The following SYNE1 variants were observed in gnomAD, a reference collection of about 807,000 sequenced individuals.
The protein encoded by SYNE1 is nesprin-1.
SYNE1 carries 616 observed loss-of-function variants against 1,111.0 expected under a neutral mutation model. That is an observed-to-expected ratio of 0.55 (90% CI 0.52 to 0.59). The LOEUF (loss-of-function observed/expected upper bound fraction) is 0.59, where lower values mean the gene tolerates loss of function less well. Ranked by LOEUF, SYNE1 falls within the 20% of genes least tolerant of loss-of-function variation. The pLI is 0.00. For synonymous variants in SYNE1, 3,855 were observed against 3,825.8 expected (o/e 1.01, Z -0.28); for missense variants, 10,006 against 10,417.0 (o/e 0.96, Z 1.72).
intron 88 of SYNE1, 27 bp from the exon 89 acceptor site, chr6:152,310,545 A>G (rs965859949): frequency 1.1e-5 from 18 of 1,613,804 alleles, no homozygotes; most frequent in Non-Finnish European, 1.5e-5. Context: ...AATGTATTGT[A>G]CTTGAAGTTC....
intron 48 of SYNE1, among the ~76,000 whole-genome samples, 198 bp from the exon 49 acceptor site, chr6:152,398,929 G>A (rs2154146199): frequency 6.6e-6 from 1 of 152,296 alleles, no homozygotes; most frequent in East Asian, 1.9e-4. Context: ...GTTCATGGTA[G>A]AATTGAGAAG....
intron 95 of SYNE1, among the ~76,000 whole-genome samples, chr6:152,284,978 C>T (rs190255936): frequency 1.1e-4 from 17 of 152,196 alleles, no homozygotes; most frequent in South Asian, 4.2e-4. Flanking sequence ...GGGTCTCTCC[C>T]GGGTGATGTC....
chr6:152,336,732 T>C (rs1424740799), intron 76 of SYNE1, 109 bp downstream of exon 76: 4 of 1,387,958 alleles, frequency 2.9e-6, no homozygotes, highest in Non-Finnish European at 4.0e-6. Flanking sequence ...TATTAATGTC[T>C]AAGGATTGAC....
Position 152,353,345 on chromosome 6 carries a change from G to A in SYNE1, c.11171C>T (p.Thr3724Ile), listed in dbSNP as rs777794930. Reference sequence around the variant, plus strand: ...AGCCACATTCTTGAAGTTTTTATGAGTAGAGCCATACCAATCAGAATAGGA... The same window carrying A: ...AGCCACATTCTTGAAGTTTTTATGAATAGAGCCATACCAATCAGAATAGGA... ...LSSYSDWYGS[T>I]HKNFKNVATK... Residue 3724 changes from threonine (T) to isoleucine (I), a missense_variant, in exon 69 of 146, where the codon ACT becomes ATT. By Grantham distance (89) the Thr-to-Ile change is moderately conservative. Transcript: ENST00000367255. 6.2e-7 allele frequency: 1 copy of A among 1,614,128 alleles called. No homozygotes were observed. The highest frequency in any genetic ancestry group is 8.5e-7 in the Non-Finnish European group (1 of 1,180,030).
chr6:152,365,084 G>T, intron 62 of SYNE1, 65 bp from the exon 63 acceptor site: 1 of 1,583,382 alleles, frequency 6.3e-7, no homozygotes, highest in Non-Finnish European at 8.7e-7. Context: ...TTTAAATATT[G>T]CAGAGCTCCT....
intron 3 of SYNE1, among the ~76,000 whole-genome samples, chr6:152,574,153 C>CATATATATGTATATATATACACACAT (rs2099486199): frequency 6.7e-6 from 1 of 148,524 alleles, no homozygotes; most frequent in Non-Finnish European, 1.5e-5. Context: ...GGGATATACA[C>CATATATATGTATATATATACACACAT]ATATATATGT....
intron 4 of SYNE1, among the ~76,000 whole-genome samples, chr6:152,529,881 T>C (rs1272576307): frequency 6.6e-6 from 1 of 151,968 alleles, no homozygotes; most frequent in African/African-American, 2.4e-5. Flanking sequence ...GTGACTGACC[T>C]CAGCTACTCA....
intron 128 of SYNE1, among the ~76,000 whole-genome samples, chr6:152,181,977 G>T (rs1396634664): frequency 6.6e-6 from 1 of 152,056 alleles, no homozygotes; most frequent in Non-Finnish European, 1.5e-5. Flanking sequence ...ATCTGATGAT[G>T]GTTTTGATTT....
At chr6:152,168,270 G>A (rs772677657) in intron 130 of SYNE1, 1 of 645,350 alleles carries the variant, frequency 1.5e-6, no homozygotes, top group Non-Finnish European at 2.8e-6. Flanking sequence ...GGGGATGAAA[G>A]TTTCCCCTTG....
chr6:152,459,026 C>T (rs2098714857), intron 21 of SYNE1, 96 bp from the exon 22 acceptor site: 3 of 1,064,524 alleles, frequency 2.8e-6, no homozygotes, highest in Non-Finnish European at 1.4e-6. Context: ...TCTTTAGTGA[C>T]ATGATCATTT....
intron 3 of SYNE1, among the ~76,000 whole-genome samples, chr6:152,564,931 G>A (rs1218066246): frequency 6.6e-6 from 1 of 152,148 alleles, no homozygotes; most frequent in South Asian, 2.1e-4. Context: ...TATTAAGTTA[G>A]ATATTTTATG....
Position 152,329,741 on chromosome 6 carries a change from G to C in SYNE1, c.14944C>G (p.Arg4982Gly), listed in dbSNP as rs765000131. The change falls in exon 78 of 146, where the codon CGC becomes GGC. Residue 4982 changes from arginine to glycine, a missense_variant. Coordinates refer to ENST00000367255, the MANE Select transcript of SYNE1 (RefSeq NM_182961.4). ...CCTATTATACCCACCTGTCTGGTGC[G>C]TAAGGCTTCCTGGATGTCTCCATCC... is the stretch of plus-strand genomic sequence containing the variant. ...ELDGDIQEAL[R>G]TRQATLTEIY... 2.5e-6 allele frequency: 4 copies of C among 1,614,170 alleles called. No homozygotes were observed. The South Asian group carries it at 3.3e-5, about 13-fold the overall frequency.
At chr6:152,168,040 C>T (rs371498732) in intron 130 of SYNE1, 88 of 780,614 alleles carry the variant, frequency 1.1e-4, no homozygotes, top group African/African-American at 1.1e-3. Flanking sequence ...ATTAAGGCTT[C>T]CAGCGTCTAT....
chr6:152,223,908 G>A (rs1349585297), intron 117 of SYNE1, among the ~76,000 whole-genome samples: 5 of 152,134 alleles, frequency 3.3e-5, no homozygotes, highest in Admixed American at 6.5e-5. Context: ...ATTTGAGGGC[G>A]GTGACCTGAG....
intron 6 of SYNE1, 30 bp downstream of exon 6, chr6:152,520,429 T>C (rs758952186): frequency 7.5e-6 from 12 of 1,606,594 alleles, no homozygotes; most frequent in Non-Finnish European, 1.0e-5. Context: ...ACCTTCTTCC[T>C]TGGGCATTTT....
intron 3 of SYNE1, among the ~76,000 whole-genome samples, chr6:152,606,976 C>CTTTTTTTTTTTTTTTTTTTTTTTTTTT (rs11387272): frequency 2.7e-5 from 3 of 109,102 alleles, no homozygotes; most frequent in African/African-American, 1.1e-4. Flanking sequence ...TGCCTCGGTT[C>CTTTTTTTTTTTTTTTTTTTTTTTTTTT]TCTTTTTTTT....
intron 3 of SYNE1, among the ~76,000 whole-genome samples, chr6:152,549,502 T>A (rs1415908618): frequency 6.6e-6 from 1 of 152,186 alleles, no homozygotes; most frequent in African/African-American, 2.4e-5. Flanking sequence ...CTGTTTTCCA[T>A]AATGAAAAGA....
chr6:152,453,455 T>C, intron 25 of SYNE1, 131 bp downstream of exon 25: 2 of 1,396,282 alleles, frequency 1.4e-6, no homozygotes, highest in East Asian at 2.3e-5. Flanking sequence ...GTTTTTTGAG[T>C]TTTTAAATGA....
At chr6:152,160,076 C>T (rs1007293757) in intron 131 of SYNE1, among the ~76,000 whole-genome samples, 6 of 151,878 alleles carry the variant, frequency 4.0e-5, no homozygotes, top group South Asian at 2.1e-4. Flanking sequence ...GCGCGATCTC[C>T]GCTCACTGCA....
Sources: allele counts gnomAD v4.1 joint callset (sites outside exome capture counted in the v4.1 genomes callset), GRCh38; gene constraint gnomAD v4.1.1; transcripts MANE v1.5; gene names NCBI Gene and HGNC (gene_info 2026-07-23, HGNC 2026-07-21).